The following CCSER1 variants were observed in gnomAD, a reference collection of about 807,000 sequenced individuals.
CCSER1 encodes coiled-coil serine rich protein 1.
Under a neutral mutation model 82.0 loss-of-function variants are expected in CCSER1, and 41 were observed. The ratio of observed to expected loss-of-function variants is 0.50; its 90% CI spans 0.39 to 0.65. The LOEUF (loss-of-function observed/expected upper bound fraction) is 0.65. Among genes scored for constraint, CCSER1 ranks in the 30% least tolerant of loss-of-function variants. CCSER1 has a pLI of 0.00. For synonymous variants in CCSER1, 414 were observed against 383.9 expected, an observed-to-expected ratio of 1.08 and a Z score of -0.92; for missense variants, 1,119 against 1,064.2, an observed-to-expected ratio of 1.05 and a Z score of -0.72.
At chr4:90,601,131 A>G (rs1045136760) in intron 5 of CCSER1, among the ~76,000 whole-genome samples, 3 of 151,970 alleles carry the variant, frequency 2.0e-5, no homozygotes, top group Admixed American at 2.0e-4. Context: ...TTTCTGAACT[A>G]GATTATTTTT....
intron 8 of CCSER1, among the ~76,000 whole-genome samples, chr4:90,857,669 T>C (rs1764611036): frequency 6.6e-6 from 1 of 152,094 alleles, no homozygotes; most frequent in Non-Finnish European, 1.5e-5. Flanking sequence ...AACCTCCAAC[T>C]GTCATACCAA....
At chr4:91,249,417 G>C (rs569310817) in intron 10 of CCSER1, among the ~76,000 whole-genome samples, 1 of 152,138 alleles carries the variant, frequency 6.6e-6, no homozygotes, top group South Asian at 2.1e-4. Context: ...ACAAAAGTTG[G>C]AGGAACCCTA....
At chr4:90,774,276 A>G (rs1253366646) in intron 7 of CCSER1, among the ~76,000 whole-genome samples, 1 of 152,044 alleles carries the variant, frequency 6.6e-6, no homozygotes, top group Non-Finnish European at 1.5e-5. Flanking sequence ...TTCTTCATTT[A>G]CCTCTAATAT....
At chr4:90,472,049 CT>C (rs112517996) in intron 5 of CCSER1, among the ~76,000 whole-genome samples, 3 of 152,094 alleles carry the variant, frequency 2.0e-5, no homozygotes, top group African/African-American at 7.2e-5. Flanking sequence ...GAGACACTGT[CT>C]TTGGATAACA....
intron 10 of CCSER1, among the ~76,000 whole-genome samples, chr4:91,287,382 G>A (rs1209096631): frequency 1.3e-5 from 2 of 151,250 alleles, no homozygotes; most frequent in Non-Finnish European, 3.0e-5. Flanking sequence ...CCTTTTTTCT[G>A]TATCTACTGT....
chr4:90,245,131 G>C (rs1721184929), intron 1 of CCSER1, among the ~76,000 whole-genome samples: 1 of 152,130 alleles, frequency 6.6e-6, no homozygotes, highest in African/African-American at 2.4e-5. Context: ...ATATTAAAGT[G>C]ATATATTTGA....
At chr4:91,116,352 C>T (rs533366188) in intron 10 of CCSER1, among the ~76,000 whole-genome samples, 4 of 152,162 alleles carry the variant, frequency 2.6e-5, no homozygotes, top group Admixed American at 6.5e-5. Context: ...CACAGTGTGC[C>T]GCTTGCAAGC....
At chr4:90,142,890 A>AT (rs993142581) in intron 1 of CCSER1, among the ~76,000 whole-genome samples, 5 of 152,144 alleles carry the variant, frequency 3.3e-5, no homozygotes, top group Admixed American at 6.5e-5. Flanking sequence ...CTACAGTTCT[A>AT]TTTTTTTATT....
chr4:91,530,840 A>G (rs1055604638), intron 10 of CCSER1, among the ~76,000 whole-genome samples: 11 of 151,912 alleles, frequency 7.2e-5, no homozygotes, highest in African/African-American at 2.7e-4. Context: ...GGCATGCGCC[A>G]CCACACCCAG....
intron 8 of CCSER1, among the ~76,000 whole-genome samples, chr4:90,823,834 C>G (rs1580654879): frequency 6.6e-6 from 1 of 151,826 alleles, no homozygotes; most frequent in Non-Finnish European, 1.5e-5. Context: ...ATTACCTATA[C>G]TGTATCTTCT....
At chr4:90,804,826 C>T (rs1260504347) in intron 7 of CCSER1, among the ~76,000 whole-genome samples, 2 of 151,958 alleles carry the variant, frequency 1.3e-5, no homozygotes, top group African/African-American at 2.4e-5. Context: ...TGTAACTTTC[C>T]GGATTTATAA....
At chr4:91,345,694 A>C (rs1748009540) in intron 10 of CCSER1, among the ~76,000 whole-genome samples, 1 of 151,972 alleles carries the variant, frequency 6.6e-6, no homozygotes. Flanking sequence ...TATAAACCAA[A>C]CTCCATAATT....
At chr4:90,837,650 A>T (rs1177667267) in intron 8 of CCSER1, among the ~76,000 whole-genome samples, 1 of 152,196 alleles carries the variant, frequency 6.6e-6, no homozygotes, top group Non-Finnish European at 1.5e-5. Context: ...ATGAGACAGC[A>T]GTGTAATATT....
At chr4:90,843,779 G>C (rs1762855010) in intron 8 of CCSER1, among the ~76,000 whole-genome samples, 1 of 152,066 alleles carries the variant, frequency 6.6e-6, no homozygotes, top group East Asian at 1.9e-4. Flanking sequence ...TATTCCAAGA[G>C]AGTGCTAGTT....
intron 3 of CCSER1, among the ~76,000 whole-genome samples, chr4:90,323,763 C>T (rs1215612671): frequency 6.6e-6 from 1 of 152,048 alleles, no homozygotes; most frequent in Non-Finnish European, 1.5e-5. Context: ...TGGTGTGCTG[C>T]ACCCACTAAC....
intron 10 of CCSER1, among the ~76,000 whole-genome samples, chr4:91,543,265 T>C (rs1031988299): frequency 1.3e-5 from 2 of 152,206 alleles, no homozygotes; most frequent in African/African-American, 4.8e-5. Flanking sequence ...AATTTTCCAG[T>C]CTGTGTCTTT....
chr4:91,065,684 T>C (rs1229415605), intron 9 of CCSER1, among the ~76,000 whole-genome samples: 1 of 152,064 alleles, frequency 6.6e-6, no homozygotes, highest in African/African-American at 2.4e-5. Flanking sequence ...TTCTGGTATG[T>C]TTAAACAAAT....
chr4:90,585,613 A>G (rs1781913647), intron 5 of CCSER1, among the ~76,000 whole-genome samples: 1 of 152,182 alleles, frequency 6.6e-6, no homozygotes, highest in Non-Finnish European at 1.5e-5. Context: ...GTATCTTTAA[A>G]TATACATTAT....
intron 5 of CCSER1, among the ~76,000 whole-genome samples, chr4:90,587,417 C>G (rs1379890139): frequency 6.6e-6 from 1 of 152,176 alleles, no homozygotes; most frequent in African/African-American, 2.4e-5. Context: ...CGAGTCCAAT[C>G]AGGTCAACCT....
Sources: gnomAD v4.1 joint callset for allele counts (sites outside exome capture counted in the v4.1 genomes callset) on GRCh38, gnomAD v4.1.1 for gene constraint, MANE v1.5 for transcripts, NCBI Gene and HGNC (gene_info 2026-07-23, HGNC 2026-07-21) for gene names.